Variants in SETDB2 observed in about 807,000 individuals in gnomAD.
The protein encoded by SETDB2 is histone-lysine N-methyltransferase SETDB2.
SETDB2 carries 56 observed loss-of-function variants against 82.5 expected under a neutral mutation model. The observed-to-expected ratio is 0.68, with a 90% confidence interval of 0.55 to 0.85. The LOEUF (loss-of-function observed/expected upper bound fraction) is 0.85, where lower values mean the gene tolerates loss of function less well. SETDB2 is among the 40% of genes least tolerant of loss of function. The pLI, the probability that SETDB2 is intolerant of heterozygous loss-of-function variation, is 0.00. For synonymous variants in SETDB2, 272 were observed against 284.9 expected (o/e 0.95, Z 0.46); for missense variants, 677 against 816.4 (o/e 0.83, Z 2.08).
Position 49,491,829 on chromosome 13 carries a change from T to C in SETDB2, c.2104T>C (p.Cys702Arg). 2 of 1,609,644 alleles carry C rather than the reference T, an allele frequency of 1.2e-6. No individual in the cohort carries two copies. Among genetic ancestry groups the C allele is most frequent in the East Asian group, 2.2e-5 (1 of 44,816 alleles). ...CTTCTGCCAATGTGGGGTTAATAAATGTAGAAAAAAAATATTATAAATATG... is the reference window on the plus strand; with the variant it reads ...CTTCTGCCAATGTGGGGTTAATAAACGTAGAAAAAAAATATTATAAATATG... The part of the protein sequence containing the change: ...EIFCQCGVNK[C>R]RKKIL The change falls in exon 14 of 14, where the codon TGT becomes CGT. Residue 702 changes from cysteine (C) to arginine (R), a missense_variant. Coordinates refer to ENST00000611815, the MANE Select transcript of SETDB2 (RefSeq NM_001160308.3).
At chr13:49,461,213 C>A in intron 4 of SETDB2, 51 bp downstream of exon 4, 1 of 1,316,852 alleles carries the variant, frequency 7.6e-7, no homozygotes, top group Non-Finnish European at 1.1e-6. Flanking sequence ...ATTTTCTTGC[C>A]ATGAAGCAGG....
chr13:49,488,087 C>A, intron 11 of SETDB2: 1 of 334,032 alleles, frequency 3.0e-6, no homozygotes, highest in Non-Finnish European at 4.3e-6. Context: ...AGGTTTGTTA[C>A]CCCAGTTCTC....
chr13:49,490,743 G>C, intron 12 of SETDB2, 79 bp from the exon 13 acceptor site: 3 of 987,128 alleles, frequency 3.0e-6, no homozygotes, highest in Non-Finnish European at 4.5e-6. Context: ...ATTAAAAACA[G>C]AATGGTTTTC....
intron 5 of SETDB2, among the ~76,000 whole-genome samples, chr13:49,476,021 C>T (rs1479552456): frequency 1.3e-5 from 2 of 151,964 alleles, no homozygotes; most frequent in African/African-American, 2.4e-5. Context: ...AAGAAGTAAC[C>T]TTCTTCAGTG....
chr13:49,463,909 T>C (rs1416568705), intron 4 of SETDB2: 3 of 672,776 alleles, frequency 4.5e-6, no homozygotes, highest in Non-Finnish European at 8.1e-6. Context: ...ACAAGACTTT[T>C]TCTGGGTCTG....
rs184449729 is a variant in SETDB2, at chr13:49,494,958, C to G, written c.*3109C>G. On this transcript the variant is annotated 3_prime_UTR_variant, in exon 14 of 14. Coordinates refer to ENST00000611815, the MANE Select transcript of SETDB2 (RefSeq NM_001160308.3). ...TGAAAACCTCATCTTGTATGGTGCT[C>G]TGTACCCTATGGGTGCTAAATAAAG... 2 of 151,996 alleles carry G rather than the reference C, an allele frequency of 1.3e-5. No homozygotes were observed. The highest frequency in any genetic ancestry group is 2.9e-5 in the Non-Finnish European group (2 of 68,020). The allele number at this position is 151,996 out of a possible 1,614,324, so 9.4% of individuals were successfully genotyped here.
At chr13:49,446,408 C>T (rs1042931341) in intron 1 of SETDB2, 25 of 456,250 alleles carry the variant, frequency 5.5e-5, no homozygotes, top group African/African-American at 4.6e-4. Flanking sequence ...GGAATGTTCC[C>T]TCACTCCTCT....
At position 49,460,156 on chromosome 13, in the gene SETDB2, C is replaced by T. The variant is rs200490663; in HGVS notation, c.66C>T (p.Asp22=). The T allele has an allele frequency of 1.1e-5, 17 of 1,613,340 alleles. No homozygotes were observed. Among genetic ancestry groups the T allele is most frequent in the East Asian group, 8.9e-5 (4 of 44,762 alleles). Reference sequence around the variant, plus strand: ...AGCTAGAAGATGATGGAAAAGTGGACTTCATTTTTGAACAAGTACAAAATG... The same window carrying T: ...AGCTAGAAGATGATGGAAAAGTGGATTTCATTTTTGAACAAGTACAAAATG... ...WMELEDDGKV[D]FIFEQVQNVL... The change falls in exon 3 of 14, where the codon GAC becomes GAT. Residue 22 remains aspartate (D), a synonymous_variant. Transcript: ENST00000611815.
chr13:49,476,881 A>G lies in SETDB2; in HGVS notation c.711A>G (p.Gly237=). Residue 237 remains glycine, a synonymous_variant, in exon 6 of 14, where the codon GGA becomes GGG. Coordinates refer to ENST00000611815, the MANE Select transcript of SETDB2 (RefSeq NM_001160308.3). Reference sequence around the variant, plus strand: ...TTTCTGATGTGGATATTAGCAATGGAGTGGAATCAGTGCCCATTTCTTTCT... The same window carrying G: ...TTTCTGATGTGGATATTAGCAATGGGGTGGAATCAGTGCCCATTTCTTTCT... The part of the protein sequence containing the change: ...EVVSDVDISN[G]VESVPISFCN... The G allele has an allele frequency of 1.2e-6, 2 of 1,614,218 alleles. No homozygotes were observed. Among genetic ancestry groups the G allele is most frequent in the Non-Finnish European group, 1.7e-6 (2 of 1,180,042 alleles).
intron 1 of SETDB2, among the ~76,000 whole-genome samples, chr13:49,450,986 TTAATG>T (rs1957774871): frequency 6.6e-6 from 1 of 151,160 alleles, no homozygotes; most frequent in Non-Finnish European, 1.5e-5. Flanking sequence ...ATTAAAATAT[TTAATG>T]TACTATAATG....
intron 10 of SETDB2, 95 bp from the exon 11 acceptor site, chr13:49,485,535 T>C (rs78229564): frequency 0.032 from 29,367 of 922,772 alleles, 944 homozygotes; most frequent in South Asian, 0.13. Flanking sequence ...CTAGTACATA[T>C]AGCCTATGAT....
At chr13:49,474,134 T>A (rs1958305836) in intron 5 of SETDB2, among the ~76,000 whole-genome samples, 1 of 152,196 alleles carries the variant, frequency 6.6e-6, no homozygotes, top group African/African-American at 2.4e-5. Context: ...TGGTGGCACA[T>A]GCCTGTAATC....
Position 49,467,867 on chromosome 13 carries a change from C to G in SETDB2, c.212C>G (p.Pro71Arg). The change falls in exon 5 of 14, where the codon CCT becomes CGT. Residue 71 changes from proline to arginine, a missense_variant. By Grantham distance (103) the Pro-to-Arg change is moderately radical. Transcript: ENST00000611815. The part of the protein sequence containing the change: ...IINSSTSIKD[P>R]MPVTQKEQEN... ...CTCACATTATTTTTTTGTGTAGATC[C>G]TATGCCTGTGACTCAGAAGGAACAG... 6.6e-7 allele frequency: 1 copy of G among 1,508,760 alleles called. No homozygotes were observed. The highest frequency in any genetic ancestry group is 8.9e-7 in the Non-Finnish European group (1 of 1,126,728). The allele number at this position is 1,508,760 out of a possible 1,614,324, so 93.5% of individuals were successfully genotyped here.
chr13:49,463,379 A>C (rs995976073), intron 4 of SETDB2, among the ~76,000 whole-genome samples: 4 of 152,184 alleles, frequency 2.6e-5, no homozygotes, highest in Non-Finnish European at 5.9e-5. Flanking sequence ...GGGTGAATAC[A>C]GGAGGATCTT....
chr13:49,485,594 C>G, intron 10 of SETDB2, 36 bp from the exon 11 acceptor site: 1 of 1,549,266 alleles, frequency 6.5e-7, no homozygotes, highest in South Asian at 1.1e-5. Flanking sequence ...TTTTGCCTGA[C>G]CTGGAAAGTA....
intron 8 of SETDB2, 45 bp from the exon 9 acceptor site, chr13:49,482,692 A>G (rs1343560121): frequency 8.1e-7 from 1 of 1,227,990 alleles, no homozygotes; most frequent in South Asian, 1.4e-5. Flanking sequence ...TATCATTAGC[A>G]ATTATCTTCT....
intron 4 of SETDB2, 92 bp from the exon 5 acceptor site, chr13:49,467,772 C>T: frequency 1.2e-6 from 1 of 844,538 alleles, no homozygotes. Context: ...TCCATATGGG[C>T]AGACTCTAGT....
rs1025521943 is a variant in SETDB2, at chr13:49,480,673, GACTC to G, written c.987-270_987-267del. Among the ~76,000 whole-genome samples, 142 of 152,276 alleles carry G rather than the reference GACTC, an allele frequency of 9.3e-4. 1 individual carries two copies. The highest frequency in any genetic ancestry group is 3.0e-3 in the African/African-American group (125 of 41,558). On this transcript the variant is annotated intron_variant, in intron 7 of 13. Transcript: ENST00000611815. ...GGAATTTTCAACCTTTCAAGGTACT[GACTC>G]ACTTAATCTTCACAAAGCAGCCCTA...
chr13:49,488,534 C>T lies in SETDB2; in HGVS notation c.1821C>T (p.Thr607=), dbSNP rs1958640161. Reference sequence around the variant, plus strand: ...GTGATGAAGAGTTGCTAAGTGAAACCAAGAATACTTCATCTGATTCTCTAA... The same window carrying T: ...GTGATGAAGAGTTGCTAAGTGAAACTAAGAATACTTCATCTGATTCTCTAA... ...VFCDEELLSE[T]KNTSSDSLTK... is the part of the protein sequence containing the mutation. The change falls in exon 12 of 14, where the codon ACC becomes ACT. Residue 607 remains threonine, a synonymous_variant. Coordinates refer to ENST00000611815, the MANE Select transcript of SETDB2 (RefSeq NM_001160308.3). 2 of 1,613,790 alleles carry T rather than the reference C, an allele frequency of 1.2e-6. No homozygotes were observed. The highest frequency in any genetic ancestry group is 1.7e-6 in the Non-Finnish European group (2 of 1,179,846).
Sources: allele counts gnomAD v4.1 joint callset (sites outside exome capture counted in the v4.1 genomes callset), GRCh38; gene constraint gnomAD v4.1.1; transcripts MANE v1.5; gene names NCBI Gene and HGNC (gene_info 2026-07-23, HGNC 2026-07-21).